Variants in RORA observed in about 807,000 individuals in gnomAD.
RORA encodes RAR related orphan receptor A.
RORA carries 7 observed loss-of-function variants against 69.5 expected under a neutral mutation model. That is an observed-to-expected ratio of 0.10 (90% CI 0.06 to 0.19). The LOEUF (loss-of-function observed/expected upper bound fraction) is 0.19. RORA is among the 10% of genes least tolerant of loss of function. The pLI, the probability that RORA is intolerant of heterozygous loss-of-function variation, is 1.00. For missense variants in RORA, 457 were observed against 663.0 expected, an observed-to-expected ratio of 0.69 and a Z score of 3.41; for synonymous variants, 261 against 240.8, an observed-to-expected ratio of 1.08 and a Z score of -0.78.
In RORA at chr15:60,518,815, C is replaced by T. The variant is rs2066055787; in HGVS notation, c.283-4058G>A. ...CCCCTTCACTGACCCTGGCGCTTCC[C>T]CATGTGTCCCCTGTATGGTGTGGCA... On this transcript the variant is annotated intron_variant, in intron 3 of 10. Transcript: ENST00000335670. Among the ~76,000 whole-genome samples, 3 of 151,736 alleles carry T rather than the reference C, an allele frequency of 2.0e-5. No homozygotes were observed. The South Asian group carries it at 6.2e-4, about 31-fold the overall frequency.
intron 1 of RORA, among the ~76,000 whole-genome samples, chr15:61,029,620 G>C (rs1052324021): frequency 5.3e-5 from 8 of 152,168 alleles, no homozygotes; most frequent in Non-Finnish European, 8.8e-5. Flanking sequence ...GGGCCGAAGT[G>C]AAGAGATTAG....
At chr15:60,913,381 C>G (rs1218210295) in intron 1 of RORA, among the ~76,000 whole-genome samples, 1 of 152,200 alleles carries the variant, frequency 6.6e-6, no homozygotes. Context: ...CCCCAGCCTC[C>G]TACAGCCACC....
chr15:60,526,180 G>A (rs968641574), intron 3 of RORA, among the ~76,000 whole-genome samples: 2 of 152,206 alleles, frequency 1.3e-5, no homozygotes, highest in African/African-American at 4.8e-5. Flanking sequence ...GATTTCCTGA[G>A]CTACGTTTTT....
intron 1 of RORA, among the ~76,000 whole-genome samples, chr15:60,915,980 C>T (rs1431455824): frequency 6.6e-6 from 1 of 152,218 alleles, no homozygotes; most frequent in Non-Finnish European, 1.5e-5. Flanking sequence ...GTTCATAAAA[C>T]AGCAGAGACA....
chr15:60,868,536 T>C (rs1391529155), intron 1 of RORA, among the ~76,000 whole-genome samples: 1 of 152,134 alleles, frequency 6.6e-6, no homozygotes, highest in African/African-American at 2.4e-5. Context: ...AGAAGAATCA[T>C]AGACTTAGAG....
intron 1 of RORA, among the ~76,000 whole-genome samples, chr15:61,092,449 A>G (rs913767605): frequency 6.6e-6 from 1 of 152,242 alleles, no homozygotes; most frequent in Admixed American, 6.5e-5. Context: ...GCTGCTTTTC[A>G]GCAAAATTAC....
intron 1 of RORA, among the ~76,000 whole-genome samples, chr15:60,975,464 A>C (rs984740045): frequency 6.6e-6 from 1 of 152,172 alleles, no homozygotes; most frequent in Non-Finnish European, 1.5e-5. Flanking sequence ...TTCTGGAAGA[A>C]GTCCATTTTC....
At chr15:61,027,719 G>A (rs573349951) in intron 1 of RORA, among the ~76,000 whole-genome samples, 3 of 152,248 alleles carry the variant, frequency 2.0e-5, no homozygotes, top group African/African-American at 7.2e-5. Flanking sequence ...TCCTAGATCT[G>A]CCAAAATGGA....
intron 3 of RORA, among the ~76,000 whole-genome samples, chr15:60,516,185 TTA>T (rs1197700085): frequency 3.1e-4 from 6 of 19,282 alleles, no homozygotes; most frequent in African/African-American, 9.9e-4. Flanking sequence ...ATATATATAT[TTA>T]TATATATATT....
chr15:60,791,728 A>G (rs341441), intron 1 of RORA, among the ~76,000 whole-genome samples: 149 of 152,374 alleles, frequency 9.8e-4, no homozygotes, highest in African/African-American at 3.5e-3. Flanking sequence ...AGCAGCTGGA[A>G]GCTAAAAGAA....
intron 1 of RORA, among the ~76,000 whole-genome samples, chr15:60,743,016 A>ATTT (rs33922947): frequency 5.4e-4 from 57 of 105,158 alleles, no homozygotes; most frequent in African/African-American, 1.1e-3. Context: ...CATTCATTCT[A>ATTT]TTTTTTTTTT....
chr15:60,916,952 C>A (rs931649474), intron 1 of RORA, among the ~76,000 whole-genome samples: 6 of 152,218 alleles, frequency 3.9e-5, no homozygotes, highest in African/African-American at 1.4e-4. Context: ...TGGGCCAGTT[C>A]TACACTGTTA....
At chr15:61,189,522 A>C (rs2079775749) in intron 1 of RORA, among the ~76,000 whole-genome samples, 1 of 152,110 alleles carries the variant, frequency 6.6e-6, no homozygotes, top group African/African-American at 2.4e-5. Flanking sequence ...CCCAGCAAGA[A>C]GGAGGGCTGC....
At chr15:60,646,434 C>G (rs972976383) in intron 2 of RORA, among the ~76,000 whole-genome samples, 1 of 152,122 alleles carries the variant, frequency 6.6e-6, no homozygotes, top group Non-Finnish European at 1.5e-5. Flanking sequence ...GACTTTGAAC[C>G]TTAATACAAG....
intron 2 of RORA, among the ~76,000 whole-genome samples, chr15:60,646,226 C>G (rs2070043923): frequency 6.6e-6 from 1 of 152,158 alleles, no homozygotes; most frequent in Non-Finnish European, 1.5e-5. Context: ...TTTATCAAAC[C>G]TCTACCATAG....
chr15:60,650,842 A>G (rs985477310), intron 2 of RORA: 1 of 152,210 alleles, frequency 6.6e-6, no homozygotes, highest in South Asian at 2.1e-4. Flanking sequence ...TCTTCGTGCC[A>G]TTTATCCTCA....
chr15:60,812,454 C>T (rs1296816745), intron 1 of RORA, among the ~76,000 whole-genome samples: 3 of 152,136 alleles, frequency 2.0e-5, no homozygotes, highest in Non-Finnish European at 4.4e-5. Context: ...AGGCTGCAGT[C>T]AGCCATGATC....
At chr15:60,890,242 G>C (rs933677109) in intron 1 of RORA, among the ~76,000 whole-genome samples, 1 of 152,210 alleles carries the variant, frequency 6.6e-6, no homozygotes, top group African/African-American at 2.4e-5. Flanking sequence ...TGGGAAAATT[G>C]AGAGCTCAAT....
intron 1 of RORA, among the ~76,000 whole-genome samples, chr15:60,750,548 G>A (rs959821526): frequency 9.2e-5 from 14 of 152,124 alleles, no homozygotes; most frequent in African/African-American, 3.1e-4. Context: ...CTCAGTGAGC[G>A]TTCTGTCCAG....
Sources: gnomAD v4.1 joint callset for allele counts (sites outside exome capture counted in the v4.1 genomes callset) on GRCh38, gnomAD v4.1.1 for gene constraint, MANE v1.5 for transcripts, NCBI Gene and HGNC (gene_info 2026-07-23, HGNC 2026-07-21) for gene names.